Variants in TLK1 observed in about 807,000 individuals in gnomAD.
TLK1 encodes tousled like kinase 1.
A neutral mutation model predicts 105.3 loss-of-function variants in TLK1; 24 were observed. The ratio of observed to expected loss-of-function variants is 0.23; its 90% CI spans 0.17 to 0.32. The LOEUF (loss-of-function observed/expected upper bound fraction) is 0.32. TLK1 is among the 10% of genes least tolerant of loss of function. TLK1 has a pLI of 1.00. For missense variants in TLK1, 558 were observed against 910.5 expected (o/e 0.61, Z 4.98); for synonymous variants, 321 against 310.4 (o/e 1.03, Z -0.36).
intron 1 of TLK1, among the ~76,000 whole-genome samples, chr2:171,194,642 T>C (rs111594108): frequency 0.11 from 17,003 of 150,908 alleles, 1,436 homozygotes; most frequent in African/African-American, 0.24. Flanking sequence ...ACGGTGAAAC[T>C]CCATCTCTAC....
intron 11 of TLK1, among the ~76,000 whole-genome samples, chr2:171,036,472 G>C (rs1575537737): frequency 6.6e-6 from 1 of 152,330 alleles, no homozygotes; most frequent in African/African-American, 2.4e-5. Context: ...GGATAACCTA[G>C]AGGACAGAAA....
chr2:171,059,378 G>A (rs908732884), intron 4 of TLK1, among the ~76,000 whole-genome samples: 2 of 152,140 alleles, frequency 1.3e-5, no homozygotes, highest in South Asian at 2.1e-4. Context: ...TGTAACTTCA[G>A]AGGAAGCTGA....
At chr2:171,134,367 ATTATG>A (rs931688409) in intron 1 of TLK1, among the ~76,000 whole-genome samples, 36 of 152,210 alleles carry the variant, frequency 2.4e-4, no homozygotes, top group African/African-American at 8.7e-4. Context: ...TAAGGATTAA[ATTATG>A]TTAATTTCTT....
At chr2:171,000,201 C>T (rs1318343837) in intron 18 of TLK1, among the ~76,000 whole-genome samples, 2 of 151,840 alleles carry the variant, frequency 1.3e-5, no homozygotes, top group Non-Finnish European at 2.9e-5. Flanking sequence ...CATGGTGAAA[C>T]CCTGTCTCTA....
intron 2 of TLK1, among the ~76,000 whole-genome samples, chr2:171,098,765 A>G (rs1255059230): frequency 6.6e-6 from 1 of 152,198 alleles, no homozygotes; most frequent in Non-Finnish European, 1.5e-5. Context: ...AAAAAGGATT[A>G]TACACTTTGA....
chr2:171,169,040 T>C (rs547601259), intron 1 of TLK1, among the ~76,000 whole-genome samples: 2 of 151,710 alleles, frequency 1.3e-5, no homozygotes, highest in African/African-American at 4.8e-5. Flanking sequence ...ATCTCGCCAC[T>C]GCACTCCAGC....
chr2:171,049,751 TC>T (rs998173651), intron 10 of TLK1, 62 bp downstream of exon 10: 1 of 1,587,920 alleles, frequency 6.3e-7, no homozygotes, highest in Non-Finnish European at 8.6e-7. Flanking sequence ...AAATCTATAA[TC>T]TTTTAAAGTA....
chr2:171,164,302 T>C (rs1692567602), upstream of TLK1, among the ~76,000 whole-genome samples: 1 of 152,238 alleles, frequency 6.6e-6, no homozygotes, highest in African/African-American at 2.4e-5. Flanking sequence ...TTTAAAATCA[T>C]GTCTTCAAAG....
chr2:171,056,952 T>C (rs1182061671), intron 5 of TLK1, among the ~76,000 whole-genome samples: 1 of 152,008 alleles, frequency 6.6e-6, no homozygotes, highest in Non-Finnish European at 1.5e-5. Flanking sequence ...AATTTCAAAA[T>C]GTTTACCCAT....
intron 1 of TLK1, among the ~76,000 whole-genome samples, chr2:171,180,087 TCTGTCTCAAAAAAAAAAAAAA>T (rs1454685817): frequency 7.5e-6 from 1 of 133,866 alleles, no homozygotes; most frequent in Non-Finnish European, 1.5e-5. Flanking sequence ...AGAGTGAGAC[TCTGTCTCAAAAAAAAAAAAAA>T]AAAAAAAATT....
chr2:171,133,351 C>T (rs1391119412), intron 1 of TLK1, among the ~76,000 whole-genome samples: 2 of 152,178 alleles, frequency 1.3e-5, no homozygotes, highest in African/African-American at 2.4e-5. Context: ...AATCCCAGCA[C>T]TTTGGAAGGC....
chr2:171,219,604 CTT>C (rs113945899), intron 1 of TLK1, among the ~76,000 whole-genome samples: 25 of 142,454 alleles, frequency 1.8e-4, no homozygotes, highest in Admixed American at 2.8e-4. Context: ...CTCCCCCCAC[CTT>C]TTTTTTTTTT....
At chr2:171,107,133 T>C (rs1432312624) in intron 2 of TLK1, among the ~76,000 whole-genome samples, 1 of 152,214 alleles carries the variant, frequency 6.6e-6, no homozygotes, top group Non-Finnish European at 1.5e-5. Flanking sequence ...GAGTATTGTC[T>C]CATGACTAAA....
chr2:171,041,120 G>T (rs1405654061), intron 11 of TLK1, among the ~76,000 whole-genome samples: 1 of 152,102 alleles, frequency 6.6e-6, no homozygotes, highest in Non-Finnish European at 1.5e-5. Flanking sequence ...ACTTTATCTA[G>T]AGATAGTATT....
chr2:171,144,258 T>A (rs952863652), intron 1 of TLK1, among the ~76,000 whole-genome samples: 5 of 152,102 alleles, frequency 3.3e-5, no homozygotes, highest in African/African-American at 1.2e-4. Context: ...CCACTTTCAA[T>A]AATGAATAGA....
At chr2:171,205,783 T>C (rs1414645044) in intron 1 of TLK1, among the ~76,000 whole-genome samples, 2 of 152,236 alleles carry the variant, frequency 1.3e-5, no homozygotes, top group African/African-American at 2.4e-5. Flanking sequence ...TTGTTTGTTA[T>C]TTTACAGACT....
chr2:171,205,086 G>A (rs897148355), intron 1 of TLK1, among the ~76,000 whole-genome samples: 11 of 152,078 alleles, frequency 7.2e-5, no homozygotes, highest in African/African-American at 2.7e-4. Context: ...GGTGGCTCAT[G>A]CCTGTAATAC....
intron 1 of TLK1, among the ~76,000 whole-genome samples, chr2:171,178,757 A>C (rs1476238396): frequency 6.6e-6 from 1 of 152,240 alleles, no homozygotes; most frequent in Non-Finnish European, 1.5e-5. Context: ...CTTTTTGTTA[A>C]GCAGTTATAG....
At chr2:171,021,704 A>T (rs945045797) in intron 12 of TLK1, among the ~76,000 whole-genome samples, 3 of 152,170 alleles carry the variant, frequency 2.0e-5, no homozygotes, top group Non-Finnish European at 4.4e-5. Context: ...CTGAATTTAC[A>T]AATCTGAATT....
Sources: gnomAD v4.1 joint callset for allele counts (sites outside exome capture counted in the v4.1 genomes callset) on GRCh38, gnomAD v4.1.1 for gene constraint, MANE v1.5 for transcripts, NCBI Gene and HGNC (gene_info 2026-07-23, HGNC 2026-07-21) for gene names.